TRAM2: variants seen among roughly 807,000 people sequenced by gnomAD.
TRAM2 encodes the protein translocation associated membrane protein 2, also known as translocating chain-associated membrane protein 2.
TRAM2 carries 12 observed loss-of-function variants against 51.0 expected under a neutral mutation model. That is an observed-to-expected ratio of 0.24 (90% CI 0.15 to 0.38). The LOEUF (loss-of-function observed/expected upper bound fraction) is 0.38. Ranked by LOEUF, TRAM2 falls within the 10% of genes least tolerant of loss-of-function variation. TRAM2 has a pLI of 1.00. For synonymous variants in TRAM2, 175 were observed against 179.4 expected (o/e 0.98, Z 0.20); for missense variants, 361 against 462.0 (o/e 0.78, Z 2.00).
chr6:52,565,292 T>C (rs182505621), intron 1 of TRAM2, among the ~76,000 whole-genome samples: 3 of 152,254 alleles, frequency 2.0e-5, no homozygotes, highest in Non-Finnish European at 2.9e-5. Flanking sequence ...GAATATCAAA[T>C]GCCCAAGCTA....
At chr6:52,530,629 G>A (rs12215104) in intron 2 of TRAM2, among the ~76,000 whole-genome samples, 33,451 of 152,040 alleles carry the variant, frequency 0.22, 3,879 homozygotes, top group Non-Finnish European at 0.27. Flanking sequence ...GGAGAAGTCC[G>A]TGTGAAGACT....
chr6:52,504,442 G>C (rs958234802), intron 10 of TRAM2, 149 bp downstream of exon 10: 3 of 841,580 alleles, frequency 3.6e-6, no homozygotes, highest in Non-Finnish European at 3.3e-6. Context: ...CAGGGAGCTA[G>C]GAGCCCCAGC....
chr6:52,572,062 A>G (rs1408917539), intron 1 of TRAM2, among the ~76,000 whole-genome samples: 2 of 152,224 alleles, frequency 1.3e-5, no homozygotes, highest in Admixed American at 1.3e-4. Flanking sequence ...ATAGGATTAC[A>G]CTTGAGGCTT....
In TRAM2 at chr6:52,563,420, TA is replaced by T. The variant is rs1767532472; in HGVS notation, c.120+13375del. 2.0e-5 allele frequency among the ~76,000 whole-genome samples: 3 copies of T among 152,190 alleles called. No homozygotes were observed. In the South Asian group the frequency reaches 6.2e-4, roughly 32 times the overall value. Reference sequence around the variant, plus strand: ...AACAAGACAAATACATAAAAGCCAATAAAAAGTGGTTACTTGGGGCCGGGCG... The same window carrying T: ...AACAAGACAAATACATAAAAGCCAATAAAAGTGGTTACTTGGGGCCGGGCG... On this transcript the variant is annotated intron_variant, in intron 1 of 10. Coordinates refer to ENST00000182527, the MANE Select transcript of TRAM2 (RefSeq NM_012288.4).
chr6:52,550,995 G>A (rs1326743640), intron 1 of TRAM2, among the ~76,000 whole-genome samples: 1 of 152,230 alleles, frequency 6.6e-6, no homozygotes, highest in African/African-American at 2.4e-5. Context: ...AGGACCAACA[G>A]TGTTGATAAC....
At position 52,576,950 on chromosome 6, in the gene TRAM2, C is replaced by A; in HGVS notation, c.-35G>T. The A allele has an allele frequency of 2.5e-6, 4 of 1,580,448 alleles. No homozygotes were observed. In the South Asian group the frequency reaches 3.4e-5, roughly 13 times the overall value. On this transcript the variant is annotated 5_prime_UTR_variant, in exon 1 of 11. Transcript: ENST00000182527. ...CGCGCAGCGGCCGGCGGGGCCCGCA[C>A]CCTGCGCTCACGAACCGCAGCGCAA...
At chr6:52,514,938 T>C (rs1766516872) in intron 4 of TRAM2, among the ~76,000 whole-genome samples, 1 of 152,232 alleles carries the variant, frequency 6.6e-6, no homozygotes, top group Non-Finnish European at 1.5e-5. Context: ...GACAGAAGTC[T>C]TGGGCCCCCC....
chr6:52,576,054 A>G (rs900009263), intron 1 of TRAM2, among the ~76,000 whole-genome samples: 4 of 152,154 alleles, frequency 2.6e-5, no homozygotes, highest in Middle Eastern at 6.8e-3. Context: ...CTCCTACACT[A>G]TAAGAGAATC....
chr6:52,525,417 A>G (rs1766759471), intron 2 of TRAM2, among the ~76,000 whole-genome samples: 1 of 152,226 alleles, frequency 6.6e-6, no homozygotes, highest in Admixed American at 6.5e-5. Flanking sequence ...AGATGTGACC[A>G]GTGGTGTTTT....
Position 52,500,025 on chromosome 6 carries a change from G to T in TRAM2, c.*3172C>A, listed in dbSNP as rs1297646442. On this transcript the variant is annotated 3_prime_UTR_variant, in exon 11 of 11. Coordinates refer to ENST00000182527, the MANE Select transcript of TRAM2 (RefSeq NM_012288.4). ...GCACCTCCAAGGAGGGGAGCGGGTA[G>T]CACAGATCCTTGGTCCACCAGCGCC... 1 of 152,308 alleles carries T rather than the reference G, an allele frequency of 6.6e-6. No homozygotes were observed. Among genetic ancestry groups the T allele is most frequent in the East Asian group, 1.9e-4 (1 of 5,192 alleles). The allele number at this position is 152,308 out of a possible 1,614,324, so 9.4% of individuals were successfully genotyped here. A position where few individuals can be genotyped will look rare whatever the true frequency, so the allele number is the denominator to read the frequency against.
chr6:52,546,510 G>A (rs1292091783), intron 1 of TRAM2, among the ~76,000 whole-genome samples: 2 of 152,174 alleles, frequency 1.3e-5, no homozygotes, highest in Non-Finnish European at 2.9e-5. Context: ...CCTGGACTTA[G>A]GTAGTGGCAA....
chr6:52,565,118 T>C (rs898345350), intron 1 of TRAM2, among the ~76,000 whole-genome samples: 3 of 152,130 alleles, frequency 2.0e-5, no homozygotes, highest in Non-Finnish European at 4.4e-5. Flanking sequence ...GAAGCCAAGC[T>C]AATTGCTCAG....
chr6:52,537,357 T>A (rs184499343), intron 1 of TRAM2, among the ~76,000 whole-genome samples: 12 of 152,228 alleles, frequency 7.9e-5, no homozygotes, highest in Non-Finnish European at 1.5e-4. Flanking sequence ...TACCTTCCTG[T>A]CCAACTGCCT....
At chr6:52,529,380 A>C (rs895482689) in intron 2 of TRAM2, among the ~76,000 whole-genome samples, 4 of 136,632 alleles carry the variant, frequency 2.9e-5, no homozygotes, top group Non-Finnish European at 3.1e-5. Flanking sequence ...CTTTGAGGTT[A>C]GAAGTGTAGG....
chr6:52,525,102 T>C (rs549887051), intron 2 of TRAM2: 4 of 152,356 alleles, frequency 2.6e-5, no homozygotes, highest in East Asian at 1.9e-4. Flanking sequence ...AGCTGAGGCA[T>C]AGAGGTGAGC....
chr6:52,540,099 A>C (rs2268723), intron 1 of TRAM2, among the ~76,000 whole-genome samples: 34,427 of 151,508 alleles, frequency 0.23, 5,667 homozygotes, highest in African/African-American at 0.43. Context: ...CTTTCTCTGT[A>C]AACAGCCATG....
At chr6:52,508,370 C>T (rs572826755) in intron 5 of TRAM2, 52 bp from the exon 6 acceptor site, 3 of 1,552,760 alleles carry the variant, frequency 1.9e-6, no homozygotes, top group African/African-American at 2.7e-5. Context: ...AGTGTCCCTG[C>T]AGGTGCTGGC....
At chr6:52,540,037 C>G (rs539062705) in intron 1 of TRAM2, among the ~76,000 whole-genome samples, 3 of 151,912 alleles carry the variant, frequency 2.0e-5, no homozygotes, top group African/African-American at 7.2e-5. Flanking sequence ...CAGTATTTTT[C>G]CATCCCTAGC....
chr6:52,565,274 T>C (rs910913114), intron 1 of TRAM2, among the ~76,000 whole-genome samples: 16 of 152,124 alleles, frequency 1.1e-4, no homozygotes, highest in African/African-American at 3.6e-4. Flanking sequence ...CATGGCCATT[T>C]AGGTGAGGAA....
Sources: allele counts gnomAD v4.1 joint callset (sites outside exome capture counted in the v4.1 genomes callset), GRCh38; gene constraint gnomAD v4.1.1; transcripts MANE v1.5; gene names NCBI Gene and HGNC (gene_info 2026-07-23, HGNC 2026-07-21).